The following AFF1 variants were observed in gnomAD, a reference collection of about 807,000 sequenced individuals.
AFF1 encodes ALF transcription elongation factor 1.
In AFF1, 48 loss-of-function variants were observed where a neutral mutation model predicts 121.7. The ratio of observed to expected loss-of-function variants is 0.39; its 90% CI spans 0.31 to 0.50. AFF1 has a LOEUF of 0.50. Among genes scored for constraint, AFF1 ranks in the 20% least tolerant of loss-of-function variants. The probability of loss-of-function intolerance (pLI) is 0.76; values close to 1 mark genes in which losing one functional copy is unlikely to be tolerated. For synonymous variants in AFF1, 613 were observed against 563.0 expected (o/e 1.09, Z -1.26); for missense variants, 1,523 against 1,511.7 (o/e 1.01, Z -0.12).
At chr4:87,009,691 A>C (rs755799690) in intron 2 of AFF1, among the ~76,000 whole-genome samples, 2 of 152,218 alleles carry the variant, frequency 1.3e-5, no homozygotes, top group Non-Finnish European at 2.9e-5. Context: ...GAGAGAAGGT[A>C]ATCTTTGAGA....
chr4:86,947,877 A>G (rs1720985954), intron 1 of AFF1, among the ~76,000 whole-genome samples: 1 of 150,712 alleles, frequency 6.6e-6, no homozygotes, highest in Non-Finnish European at 1.5e-5. Flanking sequence ...CTTAAGATTG[A>G]TTGTCACTGG....
At chr4:87,089,214 GTGTT>G (rs951213263) in intron 5 of AFF1, among the ~76,000 whole-genome samples, 4 of 152,098 alleles carry the variant, frequency 2.6e-5, no homozygotes, top group African/African-American at 7.2e-5. Context: ...TTAGAAAAGT[GTGTT>G]TGTGTGTGTA....
At chr4:87,121,501 A>G (rs1304605437) in intron 12 of AFF1, among the ~76,000 whole-genome samples, 2 of 152,176 alleles carry the variant, frequency 1.3e-5, no homozygotes, top group African/African-American at 4.8e-5. Flanking sequence ...GTGCCAACTG[A>G]CAAATACCGA....
chr4:86,967,871 A>G (rs1578864243), intron 2 of AFF1, among the ~76,000 whole-genome samples: 1 of 152,226 alleles, frequency 6.6e-6, no homozygotes, highest in East Asian at 1.9e-4. Flanking sequence ...TCTAGAGTTC[A>G]TTGGGGAAGG....
intron 2 of AFF1, among the ~76,000 whole-genome samples, chr4:87,039,295 C>G (rs1409172522): frequency 1.3e-5 from 2 of 152,232 alleles, no homozygotes; most frequent in East Asian, 1.9e-4. Context: ...TCCCTACCCC[C>G]AAGAAGCATT....
chr4:87,093,515 G>A (rs1280182765), intron 7 of AFF1, among the ~76,000 whole-genome samples: 2 of 152,108 alleles, frequency 1.3e-5, no homozygotes, highest in Non-Finnish European at 2.9e-5. Flanking sequence ...GGAGAGGGGA[G>A]GTAGGGGGAT....
At chr4:87,107,019 A>T (rs148861994) in intron 10 of AFF1, among the ~76,000 whole-genome samples, 30 of 152,310 alleles carry the variant, frequency 2.0e-4, no homozygotes, top group African/African-American at 6.3e-4. Context: ...AAGCGGGGGT[A>T]CAAATTTGAG....
At chr4:87,015,274 G>C (rs143320459) in intron 2 of AFF1, among the ~76,000 whole-genome samples, 1 of 152,010 alleles carries the variant, frequency 6.6e-6, no homozygotes, top group Admixed American at 6.6e-5. Flanking sequence ...GAGTTAAGAC[G>C]GTGCTAACTC....
chr4:87,003,639 C>T (rs1438361082), intron 2 of AFF1, among the ~76,000 whole-genome samples: 1 of 152,132 alleles, frequency 6.6e-6, no homozygotes, highest in Non-Finnish European at 1.5e-5. Flanking sequence ...CATTTCTAGC[C>T]TGTGCTAAAT....
chr4:86,935,836 A>G lies in AFF1; in HGVS notation c.-37+596A>G, dbSNP rs538403556. 2.6e-5 allele frequency: 4 copies of G among 152,132 alleles called. No individual in the cohort carries two copies. The East Asian group carries it at 7.8e-4, about 30-fold the overall frequency. The allele number at this position is 152,132 out of a possible 1,614,324, so 9.4% of individuals were successfully genotyped here. ...CAGGGACAGAGGGAGAGGCGTCTTT[A>G]GTATGGGACTGGTTAATTTCTCTTG... On this transcript the variant is annotated intron_variant, in intron 1 of 20. Transcript: ENST00000395146.
intron 2 of AFF1, among the ~76,000 whole-genome samples, chr4:87,023,579 TA>T (rs1553918725): frequency 6.6e-6 from 1 of 152,154 alleles, no homozygotes; most frequent in Non-Finnish European, 1.5e-5. Flanking sequence ...TGTTGGAAAT[TA>T]AAAAAAGTGT....
rs768450312 is a variant in AFF1 at position 87,047,412 on chromosome 4, A to G, written c.877A>G (p.Met293Val). The change falls in exon 4 of 21, where the codon ATG becomes GTG. Residue 293 changes from methionine to valine, a missense_variant. This residue lies in a region of AFF1 where 369 missense variants were observed against 367.2 expected (regional missense o/e 1.00). Coordinates refer to ENST00000395146, the MANE Select transcript of AFF1 (RefSeq NM_001166693.3). Reference sequence around the variant, plus strand: ...CTCCCTCCCCTCAAAAAGTGTTGCAATGCAGCAGAAGCCCACGGCTTATGT... The same window carrying G: ...CTCCCTCCCCTCAAAAAGTGTTGCAGTGCAGCAGAAGCCCACGGCTTATGT... ...PPSLPSKSVA[M>V]QQKPTAYVRP... is the part of the protein sequence containing the mutation. The G allele has an allele frequency of 3.7e-6, 6 of 1,614,122 alleles. No individual in the cohort carries two copies. Among genetic ancestry groups the G allele is most frequent in the African/African-American group, 2.7e-5 (2 of 75,004 alleles).
chr4:86,985,156 AATATAAT>A (rs1434469876), intron 2 of AFF1, among the ~76,000 whole-genome samples: 540 of 29,530 alleles, frequency 0.018, 8 homozygotes, highest in Non-Finnish European at 0.09. Context: ...AATATATAAA[AATATAAT>A]ATATATAATA....
At chr4:86,988,004 C>A (rs1488662649) in intron 2 of AFF1, among the ~76,000 whole-genome samples, 1 of 151,382 alleles carries the variant, frequency 6.6e-6, no homozygotes, top group East Asian at 1.9e-4. Context: ...TCCCGCCCAC[C>A]CCCCAACCCC....
intron 2 of AFF1, among the ~76,000 whole-genome samples, chr4:87,038,313 G>A (rs373248795): frequency 3.3e-5 from 5 of 152,004 alleles, no homozygotes; most frequent in African/African-American, 9.7e-5. Context: ...ATGGAGAGAC[G>A]AAAAAAATCT....
At chr4:87,073,054 A>T (rs1722259205) in intron 4 of AFF1, among the ~76,000 whole-genome samples, 2 of 151,660 alleles carry the variant, frequency 1.3e-5, no homozygotes, top group Non-Finnish European at 2.9e-5. Context: ...ATTCAGTGGG[A>T]TTAGTAAGCC....
At chr4:87,057,627 G>A (rs1280548218) in intron 4 of AFF1, among the ~76,000 whole-genome samples, 1 of 152,102 alleles carries the variant, frequency 6.6e-6, no homozygotes, top group Non-Finnish European at 1.5e-5. Context: ...TATCAAAATG[G>A]GGAATTAGTG....
At chr4:86,990,136 C>T (rs1156726412) in intron 2 of AFF1, among the ~76,000 whole-genome samples, 2 of 149,958 alleles carry the variant, frequency 1.3e-5, no homozygotes, top group South Asian at 2.2e-4. Flanking sequence ...GTAACCTGCA[C>T]GTTCTGCCCA....
intron 4 of AFF1, among the ~76,000 whole-genome samples, chr4:87,059,866 A>G (rs1478243986): frequency 6.6e-6 from 1 of 152,208 alleles, no homozygotes; most frequent in East Asian, 1.9e-4. Flanking sequence ...GCAGAAGTCA[A>G]TTGTGTCTCA....
Sources: allele counts gnomAD v4.1 joint callset (sites outside exome capture counted in the v4.1 genomes callset), GRCh38; gene constraint gnomAD v4.1.1; regional missense constraint gnomAD v4.1.1; transcripts MANE v1.5; gene names NCBI Gene and HGNC (gene_info 2026-07-23, HGNC 2026-07-21).